Variants in CTNNA2 observed in about 807,000 individuals in gnomAD.
CTNNA2 encodes the protein catenin alpha-2.
In CTNNA2, 42 loss-of-function variants were observed where a neutral mutation model predicts 101.0. The ratio of observed to expected loss-of-function variants is 0.42; its 90% CI spans 0.32 to 0.54. The LOEUF (loss-of-function observed/expected upper bound fraction) is 0.54, where lower values mean the gene tolerates loss of function less well. CTNNA2 is among the 20% of genes least tolerant of loss of function. The pLI, the probability that CTNNA2 is intolerant of heterozygous loss-of-function variation, is 0.14. For synonymous variants in CTNNA2, 450 were observed against 456.4 expected (o/e 0.99, Z 0.18); for missense variants, 871 against 1,223.1 (o/e 0.71, Z 4.29).
In CTNNA2 at chr2:79,443,903, A is replaced by ACTCTCTCTCTCTCTCTCTCTCTCTCTCT. The variant is rs3979544; in HGVS notation, c.-134-61140_-134-61113dup. On this transcript the variant is annotated intron_variant, in intron 4 of 21. Transcript: ENST00000466387. ...AAGCTTTTATCTTATTTGTATACAT[A>ACTCTCTCTCTCTCTCTCTCTCTCTCTCT]CTCTCTCTCTCTCTCTCTCTCTCTC... is the stretch of plus-strand genomic sequence containing the variant. Among the ~76,000 whole-genome samples, 19 of 141,910 alleles carry ACTCTCTCTCTCTCTCTCTCTCTCTCTCT rather than the reference A, an allele frequency of 1.3e-4. No individual in the cohort carries two copies. In the East Asian group the frequency reaches 2.3e-3, roughly 17 times the overall value. The allele number at this position is 141,910 out of a possible 152,430, so 93.1% of individuals were successfully genotyped here.
chr2:79,904,615 C>T (rs1417073534), intron 6 of CTNNA2, among the ~76,000 whole-genome samples: 1 of 152,094 alleles, frequency 6.6e-6, no homozygotes, highest in Non-Finnish European at 1.5e-5. Flanking sequence ...GCTGAATGAC[C>T]ATGGGACAAC....
At chr2:79,639,987 C>A (rs765730708) in intron 1 of CTNNA2, among the ~76,000 whole-genome samples, 2 of 151,094 alleles carry the variant, frequency 1.3e-5, no homozygotes, top group African/African-American at 4.9e-5. Context: ...GAAACTTGAA[C>A]GTGGCAAAGA....
intron 7 of CTNNA2, among the ~76,000 whole-genome samples, chr2:80,320,677 T>C (rs559265052): frequency 6.6e-6 from 1 of 152,354 alleles, no homozygotes; most frequent in South Asian, 2.1e-4. Flanking sequence ...ATCTTGCCAC[T>C]TTAGCATTAT....
intron 7 of CTNNA2, among the ~76,000 whole-genome samples, chr2:80,109,446 G>C (rs747716890): frequency 4.0e-5 from 6 of 151,726 alleles, no homozygotes; most frequent in African/African-American, 1.5e-4. Flanking sequence ...GGGTGACAGA[G>C]TGAGACTCTG....
At chr2:80,567,119 G>A (rs75334225) in intron 12 of CTNNA2, among the ~76,000 whole-genome samples, 5,090 of 152,220 alleles carry the variant, frequency 0.033, 318 homozygotes, top group African/African-American at 0.12. Flanking sequence ...TTGCCTAGTA[G>A]GTAATGCTCC....
chr2:80,374,531 C>T (rs779382262), intron 7 of CTNNA2, among the ~76,000 whole-genome samples: 5 of 152,030 alleles, frequency 3.3e-5, no homozygotes, highest in Non-Finnish European at 7.4e-5. Flanking sequence ...CAGAAAACAA[C>T]AGAAATTTGT....
chr2:79,576,657 C>T (rs918079027), intron 1 of CTNNA2, among the ~76,000 whole-genome samples: 3 of 152,118 alleles, frequency 2.0e-5, no homozygotes, highest in African/African-American at 7.2e-5. Context: ...CGATATCACT[C>T]ATTTTTAGTG....
At chr2:79,492,963 C>T (rs1012896229) in intron 4 of CTNNA2, among the ~76,000 whole-genome samples, 6 of 152,132 alleles carry the variant, frequency 3.9e-5, no homozygotes, top group African/African-American at 1.2e-4. Flanking sequence ...AAAATCACAA[C>T]ATCATTGCAA....
intron 3 of CTNNA2, among the ~76,000 whole-genome samples, chr2:79,809,527 C>A (rs916491546): frequency 1.3e-4 from 20 of 152,158 alleles, no homozygotes; most frequent in Admixed American, 1.3e-3. Flanking sequence ...ATTTGCATTT[C>A]TCTAATGACC....
rs35537092 is a variant in CTNNA2, at chr2:79,642,778, GTT to G, written c.-5-8763_-5-8762del. ...GATAATAATACAAAAGATTTCTCCT[GTT>G]TTTTTTTTTTCCCTCAACTTCTGCT... On this transcript the variant is annotated intron_variant, in intron 1 of 18. Coordinates refer to ENST00000402739, the MANE Select transcript of CTNNA2 (RefSeq NM_001282597.3). 1.6e-4 allele frequency among the ~76,000 whole-genome samples: 23 copies of G among 145,028 alleles called. No homozygotes were observed. In the South Asian group the frequency reaches 2.6e-3, roughly 16 times the overall value.
intron 7 of CTNNA2, chr2:80,304,972 G>A: frequency 3.0e-6 from 2 of 667,274 alleles, no homozygotes; most frequent in Non-Finnish European, 1.8e-6. Context: ...CATCATCCAC[G>A]ACAAGATATT....
At chr2:79,628,785 C>G (rs1296943300) in intron 1 of CTNNA2, among the ~76,000 whole-genome samples, 2 of 152,166 alleles carry the variant, frequency 1.3e-5, no homozygotes, top group Non-Finnish European at 2.9e-5. Context: ...TTATTCCTGG[C>G]ATTTTAGACA....
At position 79,791,708 on chromosome 2, in the gene CTNNA2, C is replaced by CTGGG. The variant is rs570509104; in HGVS notation, c.298+47129_298+47132dup. ...CCAAGACTGGGAAGTAGATGGAGGA[C>CTGGG]TGGGTGTTCCACAAAGACCAAGCCC... On this transcript the variant is annotated intron_variant, in intron 3 of 18. Transcript: ENST00000402739. 3.2e-4 allele frequency among the ~76,000 whole-genome samples: 48 copies of CTGGG among 152,272 alleles called. No individual in the cohort carries two copies. The East Asian group carries it at 7.0e-3, about 22-fold the overall frequency.
chr2:80,324,330 A>G (rs1679024810), intron 7 of CTNNA2, among the ~76,000 whole-genome samples: 2 of 152,248 alleles, frequency 1.3e-5, no homozygotes, highest in South Asian at 4.2e-4. Context: ...CTCAGAGTCA[A>G]GTCATAGGCG....
intron 7 of CTNNA2, among the ~76,000 whole-genome samples, chr2:80,021,090 G>C (rs1574559722): frequency 6.7e-6 from 1 of 148,582 alleles, no homozygotes; most frequent in African/African-American, 2.5e-5. Context: ...CATGATCGTG[G>C]CTCACTGCAA....
intron 1 of CTNNA2, chr2:79,523,243 C>T: frequency 2.2e-6 from 1 of 448,938 alleles, no homozygotes; most frequent in Non-Finnish European, 4.5e-6. Flanking sequence ...TCAATATGGG[C>T]TGTGGCATGG....
chr2:80,561,827 A>ATTTTT (rs368503035), intron 12 of CTNNA2, among the ~76,000 whole-genome samples: 6 of 123,576 alleles, frequency 4.9e-5, no homozygotes, highest in Non-Finnish European at 5.1e-5. Context: ...CGCCTGGCTA[A>ATTTTT]TTTTTTTTTT....
chr2:79,612,854 A>T (rs72923324), intron 1 of CTNNA2, among the ~76,000 whole-genome samples: 9 of 152,166 alleles, frequency 5.9e-5, no homozygotes, highest in Admixed American at 1.3e-4. Flanking sequence ...TAATTTTTTT[A>T]AAATTACATT....
chr2:79,333,272 A>G (rs763541809), intron 3 of CTNNA2, among the ~76,000 whole-genome samples: 9 of 152,158 alleles, frequency 5.9e-5, no homozygotes, highest in Non-Finnish European at 1.2e-4. Context: ...ATAAAGAAAT[A>G]GAGAAGACAT....
Sources: gnomAD v4.1 joint callset for allele counts (sites outside exome capture counted in the v4.1 genomes callset) on GRCh38, gnomAD v4.1.1 for gene constraint, MANE v1.5 for transcripts, NCBI Gene and HGNC (gene_info 2026-07-23, HGNC 2026-07-21) for gene names.